Variants in PITPNC1 observed in about 807,000 individuals in gnomAD.
PITPNC1 encodes cytoplasmic phosphatidylinositol transfer protein 1.
PITPNC1 carries 18 observed loss-of-function variants against 44.7 expected under a neutral mutation model. The ratio of observed to expected loss-of-function variants is 0.40; its 90% confidence interval spans 0.28 to 0.60. The LOEUF (loss-of-function observed/expected upper bound fraction) is 0.60. Among genes scored for constraint, PITPNC1 ranks in the 20% least tolerant of loss-of-function variants. PITPNC1 has a pLI of 0.39. For missense variants in PITPNC1, 290 were observed against 418.4 expected (o/e 0.69, Z 2.68); for synonymous variants, 141 against 149.6 (o/e 0.94, Z 0.42).
intron 6 of PITPNC1, among the ~76,000 whole-genome samples, chr17:67,637,319 A>G (rs773953499): frequency 2.6e-4 from 40 of 152,022 alleles, no homozygotes; most frequent in Non-Finnish European, 5.4e-4. Context: ...ATCCAGCTCC[A>G]TGGGCCTTTT....
At chr17:67,390,648 A>G (rs2038124934) in intron 1 of PITPNC1, among the ~76,000 whole-genome samples, 1 of 151,978 alleles carries the variant, frequency 6.6e-6, no homozygotes, top group East Asian at 1.9e-4. Context: ...GGCTATTTAA[A>G]CCTCATCTCA....
intron 1 of PITPNC1, among the ~76,000 whole-genome samples, chr17:67,477,199 C>G (rs574087684): frequency 6.6e-6 from 1 of 152,056 alleles, no homozygotes; most frequent in African/African-American, 2.4e-5. Context: ...CCTCAGCCCC[C>G]CAAGTACCTG....
At chr17:67,560,185 A>G (rs955651456) in intron 4 of PITPNC1, among the ~76,000 whole-genome samples, 2 of 152,208 alleles carry the variant, frequency 1.3e-5, no homozygotes, top group African/African-American at 4.8e-5. Context: ...GATTTGTCCA[A>G]GGGATCTTGG....
chr17:67,532,437 G>C (rs143190379), intron 1 of PITPNC1, among the ~76,000 whole-genome samples: 10 of 152,132 alleles, frequency 6.6e-5, no homozygotes, highest in African/African-American at 2.4e-4. Flanking sequence ...ACACACCCTC[G>C]GCTGTCTTGG....
rs1178614573 is a variant in PITPNC1 at position 67,694,595 on chromosome 17, T to A, written c.*1707T>A. 1.3e-5 allele frequency: 2 copies of A among 152,144 alleles called. No individual in the cohort carries two copies. Among genetic ancestry groups the A allele is most frequent in the Admixed American group, 6.5e-5 (1 of 15,276 alleles). The allele number at this position is 152,144 out of a possible 1,614,324, so 9.4% of individuals were successfully genotyped here. ...AGGTCAGACTGTCAAGATCATTTCT[T>A]TATCTATAGGTTGATATTTAGCTTA... On this transcript the variant is annotated 3_prime_UTR_variant, in exon 9 of 9. Transcript: ENST00000581322.
At chr17:67,446,616 A>G (rs1470416399) in intron 1 of PITPNC1, among the ~76,000 whole-genome samples, 1 of 151,522 alleles carries the variant, frequency 6.6e-6, no homozygotes, top group Non-Finnish European at 1.5e-5. Context: ...AAAGAGAGAT[A>G]CTTTAGTGTT....
intron 4 of PITPNC1, among the ~76,000 whole-genome samples, chr17:67,555,485 A>G (rs952662418): frequency 2.0e-5 from 3 of 152,004 alleles, no homozygotes; most frequent in Non-Finnish European, 4.4e-5. Flanking sequence ...CCTACCACCA[A>G]CACTACCCCC....
intron 1 of PITPNC1, among the ~76,000 whole-genome samples, chr17:67,441,544 A>G (rs2039012932): frequency 1.3e-5 from 2 of 152,164 alleles, no homozygotes; most frequent in Admixed American, 6.6e-5. Context: ...AAAGCAGCTC[A>G]TTCATTCTCT....
intron 1 of PITPNC1, among the ~76,000 whole-genome samples, chr17:67,445,739 CAG>C (rs2039084168): frequency 6.6e-6 from 1 of 152,034 alleles, no homozygotes; most frequent in South Asian, 2.1e-4. Flanking sequence ...TTATGAATAA[CAG>C]AGCGAAACTT....
intron 5 of PITPNC1, among the ~76,000 whole-genome samples, chr17:67,579,950 A>C (rs1289284694): frequency 3.3e-5 from 5 of 152,116 alleles, no homozygotes; most frequent in African/African-American, 1.2e-4. Context: ...AAAAAAAAAA[A>C]AGTTAATACA....
chr17:67,387,729 T>G (rs1239118071), intron 1 of PITPNC1, among the ~76,000 whole-genome samples: 1 of 152,230 alleles, frequency 6.6e-6, no homozygotes, highest in African/African-American at 2.4e-5. Context: ...CTCTATTATC[T>G]GCCTCTCCAC....
chr17:67,439,026 G>T (rs768145232), intron 1 of PITPNC1, among the ~76,000 whole-genome samples: 83 of 152,158 alleles, frequency 5.5e-4, no homozygotes, highest in Non-Finnish European at 1.8e-4. Context: ...TAGCTTATTG[G>T]TCATCAGTTT....
chr17:67,672,151 C>T (rs1179966550), intron 7 of PITPNC1, among the ~76,000 whole-genome samples: 1 of 151,932 alleles, frequency 6.6e-6, no homozygotes, highest in Non-Finnish European at 1.5e-5. Context: ...CCAGGCCAGT[C>T]TCGAACTCCT....
chr17:67,567,740 C>T lies in PITPNC1; in HGVS notation c.295-10446C>T, dbSNP rs375165906. Reference sequence around the variant, plus strand: ...CTGTAATCCCAGCACTTTGGGAGGCCGAGGTGGGTGGATCACGAGGTCAGG... The same window carrying T: ...CTGTAATCCCAGCACTTTGGGAGGCTGAGGTGGGTGGATCACGAGGTCAGG... On this transcript the variant is annotated intron_variant, in intron 4 of 8. Coordinates refer to ENST00000581322, the MANE Select transcript of PITPNC1 (RefSeq NM_012417.4). 3.9e-5 allele frequency among the ~76,000 whole-genome samples: 6 copies of T among 152,068 alleles called. No individual in the cohort carries two copies. In the East Asian group the frequency reaches 7.8e-4, roughly 20 times the overall value.
chr17:67,583,833 G>A (rs531836959), intron 5 of PITPNC1, among the ~76,000 whole-genome samples: 2 of 150,758 alleles, frequency 1.3e-5, no homozygotes, highest in Admixed American at 6.6e-5. Context: ...GTAGCTGGGA[G>A]TACAGGCGCC....
chr17:67,439,231 T>A (rs1319171061), intron 1 of PITPNC1, among the ~76,000 whole-genome samples: 1 of 152,200 alleles, frequency 6.6e-6, no homozygotes, highest in Non-Finnish European at 1.5e-5. Flanking sequence ...AGCCTCCTAA[T>A]GTTGATTTTA....
intron 1 of PITPNC1, among the ~76,000 whole-genome samples, chr17:67,418,307 T>G (rs1446924747): frequency 6.6e-6 from 1 of 152,166 alleles, no homozygotes; most frequent in Non-Finnish European, 1.5e-5. Context: ...CTCCCAGTCA[T>G]GGGAGAAGAC....
intron 1 of PITPNC1, chr17:67,457,213 ACCT>A (rs1294744067): frequency 6.6e-6 from 1 of 151,898 alleles, no homozygotes; most frequent in Non-Finnish European, 1.5e-5. Context: ...TACAGCCCAG[ACCT>A]CCTGAGCTGA....
At chr17:67,649,175 G>A (rs567422933) in intron 6 of PITPNC1, among the ~76,000 whole-genome samples, 3 of 152,122 alleles carry the variant, frequency 2.0e-5, no homozygotes, top group Non-Finnish European at 4.4e-5. Flanking sequence ...ATAGTTGACT[G>A]TTTGCTGAGC....
Sources: gnomAD v4.1 joint callset for allele counts (sites outside exome capture counted in the v4.1 genomes callset) on GRCh38, gnomAD v4.1.1 for gene constraint, MANE v1.5 for transcripts, NCBI Gene and HGNC (gene_info 2026-07-23, HGNC 2026-07-21) for gene names.